SCLY: variants seen among roughly 807,000 people sequenced by gnomAD.
SCLY encodes the protein selenocysteine lyase.
SCLY carries 38 observed loss-of-function variants against 50.1 expected under a neutral mutation model. The observed-to-expected ratio is 0.76, with a 90% CI of 0.59 to 0.99. The LOEUF is 0.99. Among genes scored for constraint, SCLY ranks in the 50% least tolerant of loss-of-function variants. The pLI is 0.00. For missense variants in SCLY, 600 were observed against 620.0 expected (o/e 0.97, Z 0.34); for synonymous variants, 243 against 249.4 (o/e 0.97, Z 0.24).
rs760126289 is a variant in SCLY, at chr2:238,065,823, C to T, written c.202+1354C>T. Among the ~76,000 whole-genome samples the T allele has an allele frequency of 5.3e-5, 8 of 152,102 alleles. No individual in the cohort carries two copies. In the East Asian group the frequency reaches 5.8e-4, roughly 11 times the overall value. On this transcript the variant is annotated intron_variant, in intron 2 of 11. Transcript: ENST00000254663. ...CCAAGTAGCTGGGACTAGAGGCACG[C>T]GCCACCATGCCTGGCTAATTTTTGT...
In SCLY at chr2:238,069,251, C is replaced by T. The variant is rs1183813461; in HGVS notation, c.304-46C>T. ...ACAGAAATTGTTGCTCTGACCCTTACCTCAGCACAGTTTTTGTAAATGCTT... is the reference window on the plus strand; with the variant it reads ...ACAGAAATTGTTGCTCTGACCCTTATCTCAGCACAGTTTTTGTAAATGCTT... On this transcript the variant is annotated intron_variant, in intron 3 of 11. Coordinates refer to ENST00000254663, the MANE Select transcript of SCLY (RefSeq NM_016510.7). This position sits in a 1 kb window ranked among gnomAD's most constrained non-coding sequence, Gnocchi z 5.0. The T allele has an allele frequency of 6.3e-7, 1 of 1,579,866 alleles. No homozygotes were observed. Among genetic ancestry groups the T allele is most frequent in the Admixed American group, 1.8e-5 (1 of 56,248 alleles).
intron 1 of SCLY, among the ~76,000 whole-genome samples, chr2:238,062,262 T>C (rs2065025325): frequency 6.6e-6 from 1 of 152,180 alleles, no homozygotes; most frequent in Non-Finnish European, 1.5e-5. Flanking sequence ...GTACTTTGGA[T>C]GCTTATTTAT....
Position 238,098,469 on chromosome 2 carries a change from G to A in SCLY, c.*114G>A. Reference sequence around the variant, plus strand: ...AGGATGACTGTCTCATGCCCCCTCTGCATTTTGTCCTGGAGTGCCAGCGAG... The same window carrying A: ...AGGATGACTGTCTCATGCCCCCTCTACATTTTGTCCTGGAGTGCCAGCGAG... On this transcript the variant is annotated 3_prime_UTR_variant, in exon 12 of 12. Transcript: ENST00000254663. 1 of 1,252,006 alleles carries A rather than the reference G, an allele frequency of 8.0e-7. No individual in the cohort carries two copies. The highest frequency in any genetic ancestry group is 1.5e-5 in the South Asian group (1 of 65,554). The allele number at this position is 1,252,006 out of a possible 1,614,324, so 77.6% of individuals were successfully genotyped here.
chr2:238,064,335 G>A (rs770559245), intron 1 of SCLY, 22 bp from the exon 2 acceptor site: 21 of 1,512,658 alleles, frequency 1.4e-5, no homozygotes, highest in Non-Finnish European at 1.8e-5. Context: ...CTTAATGGGT[G>A]TCTTTGCTTT....
intron 10 of SCLY, chr2:238,095,693 T>C (rs1434082516): frequency 6.6e-6 from 1 of 152,180 alleles, no homozygotes; most frequent in East Asian, 1.9e-4. Flanking sequence ...AGACTTTGTG[T>C]TCAGTGACAA....
In SCLY at chr2:238,098,671, T is replaced by TAGGACCGC. The variant is rs1295676482; in HGVS notation, c.*316_*317insAGGACCGC. 2.2e-4 allele frequency: 19 copies of TAGGACCGC among 86,418 alleles called. No individual in the cohort carries two copies. Among genetic ancestry groups the TAGGACCGC allele is most frequent in the East Asian group, 1.3e-3 (5 of 3,814 alleles). The allele number at this position is 86,418 out of a possible 1,614,324, so 5.4% of individuals were successfully genotyped here. On this transcript the variant is annotated 3_prime_UTR_variant, in exon 12 of 12. Coordinates refer to ENST00000254663, the MANE Select transcript of SCLY (RefSeq NM_016510.7). ...TGGGACCGCCCACATAGAACCGTCC[T>TAGGACCGC]CCAGTGGTGAAGCGGAAACACTTAG...
In SCLY at chr2:238,066,762, A is replaced by G. The variant is rs1168396489; in HGVS notation, c.203-1303A>G. 2.6e-5 allele frequency among the ~76,000 whole-genome samples: 4 copies of G among 152,184 alleles called. No homozygotes were observed. Among genetic ancestry groups the G allele is most frequent in the African/African-American group, 4.8e-5 (2 of 41,436 alleles). ...TTCCTGAGTGTATTAGTCTGTTCTC[A>G]TGCTGCTAATGAAGATGTACCTGAG... is the stretch of plus-strand genomic sequence containing the variant. On this transcript the variant is annotated intron_variant, in intron 2 of 11. Transcript: ENST00000254663. The surrounding 1 kb of genome is among the most constrained non-coding windows in gnomAD (Gnocchi z 4.1).
At position 238,094,451 on chromosome 2, in the gene SCLY, A is replaced by G. The variant is rs753703489; in HGVS notation, c.1037A>G (p.Asn346Ser). The change falls in exon 10 of 12, where the codon AAT becomes AGT. Residue 346 changes from asparagine (N) to serine (S), a missense_variant. By Grantham distance (46) the Asn-to-Ser change is conservative. Transcript: ENST00000254663. ...AEFGQKRIHL[N>S]SQFPGTQRLP... is the part of the protein sequence containing the mutation. Reference sequence around the variant, plus strand: ...TTCGGTCAGAAGAGAATCCATCTGAATAGCCAGTTTCCAGGCACCCAGCGG... The same window carrying G: ...TTCGGTCAGAAGAGAATCCATCTGAGTAGCCAGTTTCCAGGCACCCAGCGG... 3 of 1,614,220 alleles carry G rather than the reference A, an allele frequency of 1.9e-6. No homozygotes were observed. The Admixed American group carries it at 5.0e-5, about 27-fold the overall frequency.
intron 4 of SCLY, among the ~76,000 whole-genome samples, chr2:238,074,803 G>T (rs1428825740): frequency 2.0e-5 from 3 of 152,062 alleles, no homozygotes; most frequent in Non-Finnish European, 2.9e-5. Flanking sequence ...GTTTCAGTTG[G>T]TTTTTTAATG....
At chr2:238,076,425 A>T (rs1177480740) in intron 4 of SCLY, among the ~76,000 whole-genome samples, 5 of 152,142 alleles carry the variant, frequency 3.3e-5, no homozygotes, top group African/African-American at 9.7e-5. Flanking sequence ...ATTTAAAGAC[A>T]TAAATTTCCC....
rs947386786 is a variant in SCLY at position 238,098,537 on chromosome 2, C to T, written c.*182C>T. On this transcript the variant is annotated 3_prime_UTR_variant, in exon 12 of 12. Transcript: ENST00000254663. ...CTTCCCTGGACCCCTGCAGAGCTCACAGGGCCCAGGACACCAACGCCGCAT... is the reference window on the plus strand; with the variant it reads ...CTTCCCTGGACCCCTGCAGAGCTCATAGGGCCCAGGACACCAACGCCGCAT... 6.4e-5 allele frequency: 39 copies of T among 607,238 alleles called. 2 individuals are homozygous for T. In the African/African-American group the frequency reaches 7.5e-4, roughly 12 times the overall value. The allele number at this position is 607,238 out of a possible 1,614,324, so 37.6% of individuals were successfully genotyped here.
intron 4 of SCLY, among the ~76,000 whole-genome samples, chr2:238,077,139 T>G (rs1365246878): frequency 8.5e-5 from 13 of 152,250 alleles, no homozygotes; most frequent in Admixed American, 7.2e-4. Context: ...CCTTCAAACC[T>G]GTCAGTTTTT....
chr2:238,086,720 A>AAAG (rs1325365467), intron 7 of SCLY, among the ~76,000 whole-genome samples: 1 of 148,618 alleles, frequency 6.7e-6, no homozygotes, highest in African/African-American at 2.5e-5. Context: ...AAAAAAAAAA[A>AAAG]AAAAAAAAGA....
chr2:238,097,998 G>T (rs1247651781), intron 11 of SCLY, among the ~76,000 whole-genome samples: 1 of 152,168 alleles, frequency 6.6e-6, no homozygotes, highest in South Asian at 2.1e-4. Flanking sequence ...CAGGGAGAAC[G>T]GGGGCGACTT....
rs143244508 is a variant in SCLY at position 238,083,260 on chromosome 2, A to G, written c.790A>G (p.Arg264Gly). ...CTTTTCCTTCCAGTTTTATGGTCCC[A>G]GGATTGGCGCACTTTATATACGAGG... ...TIVGHKFYGPRIGALYIRGLG... is the reference protein window; with the variant it reads ...TIVGHKFYGPGIGALYIRGLG... The change falls in exon 7 of 12, where the codon AGG becomes GGG. Residue 264 changes from arginine (R) to glycine (G), a missense_variant. Physicochemically the swap from Arg to Gly is moderately radical, Grantham distance 125. Transcript: ENST00000254663. The surrounding 1 kb of genome is among the most constrained non-coding windows in gnomAD (Gnocchi z 4.3). The G allele has an allele frequency of 2.5e-6, 4 of 1,612,696 alleles. No homozygotes were observed. In the African/African-American group the frequency reaches 5.3e-5, roughly 22 times the overall value.
At chr2:238,096,959 A>G (rs958115954) in intron 11 of SCLY, 83 bp downstream of exon 11, 1 of 1,302,654 alleles carries the variant, frequency 7.7e-7, no homozygotes, top group Non-Finnish European at 1.0e-6. Context: ...GGATCCGGCC[A>G]CTGGGCCGCA....
chr2:238,094,287 C>G, intron 9 of SCLY, 133 bp from the exon 10 acceptor site: 1 of 770,336 alleles, frequency 1.3e-6, no homozygotes. Context: ...GTCCCCGTAA[C>G]TATTCTGGGT....
At chr2:238,077,970 T>TTA (rs533989818) in intron 4 of SCLY, among the ~76,000 whole-genome samples, 9,526 of 150,954 alleles carry the variant, frequency 0.063, 319 homozygotes, top group African/African-American at 0.085. Context: ...TTTTTTTTTT[T>TTA]AGACGGAATC....
Position 238,064,373 on chromosome 2 carries a change from T to C in SCLY, c.106T>C (p.Tyr36His), listed in dbSNP as rs751912115. The C allele has an allele frequency of 6.2e-7, 1 of 1,606,878 alleles. No homozygotes were observed. The highest frequency in any genetic ancestry group is 8.5e-7 in the Non-Finnish European group (1 of 1,177,204). Reference protein sequence around the residue: ...NSPERKVYMDYNATTPLEPEV... With the variant: ...NSPERKVYMDHNATTPLEPEV... Reference sequence around the variant, plus strand: ...TTCCTTCAGGAAAGTTTATATGGACTATAATGCAACGACTCCCCTGGAGCC... The same window carrying C: ...TTCCTTCAGGAAAGTTTATATGGACCATAATGCAACGACTCCCCTGGAGCC... The change falls in exon 2 of 12, where the codon TAT becomes CAT. Residue 36 changes from tyrosine (Y) to histidine (H), a missense_variant. Tyr to His is a moderately conservative substitution (Grantham distance 83). Transcript: ENST00000254663.
Sources: gnomAD v4.1 joint callset for allele counts (sites outside exome capture counted in the v4.1 genomes callset) on GRCh38, gnomAD v4.1.1 for gene constraint, Gnocchi (gnomAD v3.1) non-coding constraint, MANE v1.5 for transcripts, NCBI Gene and HGNC (gene_info 2026-07-23, HGNC 2026-07-21) for gene names.